PTBP3: variants seen among roughly 807,000 people sequenced by gnomAD.
The protein encoded by PTBP3 is polypyrimidine tract-binding protein 3.
A neutral mutation model predicts 58.7 loss-of-function variants in PTBP3; 20 were observed. The ratio of observed to expected loss-of-function variants is 0.34; its 90% CI spans 0.24 to 0.50. The LOEUF (loss-of-function observed/expected upper bound fraction) is 0.50. Ranked by LOEUF, PTBP3 falls within the 20% of genes least tolerant of loss-of-function variation. PTBP3 has a pLI of 0.98. For missense variants in PTBP3, 509 were observed against 637.2 expected (o/e 0.80, Z 2.17); for synonymous variants, 185 against 219.8 (o/e 0.84, Z 1.40).
chr9:112,275,142 T>TA (rs1827553321), intron 3 of PTBP3, among the ~76,000 whole-genome samples: 1 of 151,688 alleles, frequency 6.6e-6, no homozygotes, highest in South Asian at 2.1e-4. Flanking sequence ...ACTTTTTATT[T>TA]TTTTTTTTGG....
At chr9:112,243,408 G>A (rs1202566053) in intron 7 of PTBP3, among the ~76,000 whole-genome samples, 1 of 152,108 alleles carries the variant, frequency 6.6e-6, no homozygotes, top group Admixed American at 6.5e-5. Context: ...TAGACGTGGT[G>A]GCAGGCACCT....
At chr9:112,256,284 TATATATATACATATATATA>T (rs1836351950) in intron 5 of PTBP3, among the ~76,000 whole-genome samples, 1 of 58,910 alleles carries the variant, frequency 1.7e-5, no homozygotes, top group Admixed American at 1.5e-4. Context: ...TATATATATA[TATATATATACATATATATA>T]TATATATTTA....
At chr9:112,353,623 T>TTGAAG in the PTBP3 span, among the ~76,000 whole-genome samples, 44 of 152,192 alleles carry the variant, frequency 2.9e-4, no homozygotes, top group African/African-American at 9.9e-4. Context: ...GTTAGCCTTC[T>TTGAAG]GTGCTAATAG....
chr9:112,240,261 A>C (rs1172831707), intron 7 of PTBP3, among the ~76,000 whole-genome samples: 1 of 152,214 alleles, frequency 6.6e-6, no homozygotes, highest in East Asian at 1.9e-4. Context: ...TATAGAATAC[A>C]ATGTACATAT....
In PTBP3 at chr9:112,333,592, C is replaced by A. The variant is rs1830480753; in HGVS notation, c.-174G>T. 7.6e-7 allele frequency: 1 copy of A among 1,312,566 alleles called. No individual in the cohort carries two copies. Among genetic ancestry groups the A allele is most frequent in the East Asian group, 2.7e-5 (1 of 37,404 alleles). The allele number at this position is 1,312,566 out of a possible 1,614,324, so 81.3% of individuals were successfully genotyped here. On this transcript the variant is annotated 5_prime_UTR_variant, in exon 1 of 14. Transcript: ENST00000374257. ...CAAGCGAGCTTTGGCTCTGCGGAGC[C>A]CCGGCCGGTCCGAGGTGGAAGGAGA...
chr9:112,336,712 G>A (rs984514102), upstream of PTBP3, among the ~76,000 whole-genome samples: 1 of 151,954 alleles, frequency 6.6e-6, no homozygotes, highest in Non-Finnish European at 1.5e-5. Flanking sequence ...ATAGCAGAGC[G>A]TGACCCCTAT....
At chr9:112,378,755 A>C in the PTBP3 span, among the ~76,000 whole-genome samples, 1 of 152,258 alleles carries the variant, frequency 6.6e-6, no homozygotes, top group African/African-American at 2.4e-5. Flanking sequence ...GGTAATCAGC[A>C]ATCACTTAGT....
chr9:112,379,216 G>A, the PTBP3 span, among the ~76,000 whole-genome samples: 2 of 152,076 alleles, frequency 1.3e-5, no homozygotes, highest in Non-Finnish European at 2.9e-5. Context: ...AAAGGAGAGA[G>A]TACATAAGCC....
rs73537725 is a variant in PTBP3, at chr9:112,252,406, T to C, written c.627+272A>G. 7.3e-4 allele frequency: 298 copies of C among 410,144 alleles called. 1 individual carries two copies. The highest frequency in any genetic ancestry group is 5.8e-3 in the African/African-American group (281 of 48,292). 25.4% of individuals were successfully genotyped at this position (410,144 alleles called of 1,614,324 possible). A position where few individuals can be genotyped will look rare whatever the true frequency, so the allele number is the denominator to read the frequency against. ...ATTAGTCAGCTTATGTGAGGAGTAC[T>C]GTGTTCAATTCTAGACTTTAAACAT... On this transcript the variant is annotated intron_variant, in intron 6 of 13. Transcript: ENST00000374257.
the PTBP3 span, among the ~76,000 whole-genome samples, chr9:112,371,110 C>A: frequency 6.6e-6 from 1 of 151,652 alleles, no homozygotes; most frequent in Non-Finnish European, 1.5e-5. Flanking sequence ...TGCTTTTTTT[C>A]TTTTTCTTAT....
upstream of PTBP3, among the ~76,000 whole-genome samples, chr9:112,335,434 C>T (rs1035077330): frequency 5.3e-5 from 8 of 151,392 alleles, no homozygotes; most frequent in East Asian, 2.0e-4. Context: ...TACAGGCGCC[C>T]GCCACCACGC....
chr9:112,365,935 G>A, the PTBP3 span, among the ~76,000 whole-genome samples: 36,983 of 152,004 alleles, frequency 0.24, 4,928 homozygotes, highest in East Asian at 0.36. Flanking sequence ...AATTTGCAGC[G>A]TGACAATGCG....
At chr9:112,363,030 T>C in the PTBP3 span, 13 of 192,600 alleles carry the variant, frequency 6.7e-5, no homozygotes, top group Non-Finnish European at 1.3e-4. Context: ...CCTCTGGAAC[T>C]GCAAAGCCAT....
chr9:112,303,692 C>T (rs1333400981), intron 1 of PTBP3, among the ~76,000 whole-genome samples: 2 of 151,712 alleles, frequency 1.3e-5, no homozygotes, highest in South Asian at 2.1e-4. Context: ...GGTGAAACCC[C>T]GTCTCTACTA....
chr9:112,362,181 GTA>G, the PTBP3 span, among the ~76,000 whole-genome samples: 1 of 152,114 alleles, frequency 6.6e-6, no homozygotes, highest in Non-Finnish European at 1.5e-5. Flanking sequence ...TCTACAAAAA[GTA>G]TGAGTCTGTA....
At chr9:112,341,405 T>C in the PTBP3 span, among the ~76,000 whole-genome samples, 1 of 152,170 alleles carries the variant, frequency 6.6e-6, no homozygotes, top group East Asian at 1.9e-4. Flanking sequence ...GTGCTGGGAT[T>C]ACAGGCATGA....
the PTBP3 span, among the ~76,000 whole-genome samples, chr9:112,350,654 T>C: frequency 1.4e-4 from 22 of 152,198 alleles, no homozygotes; most frequent in African/African-American, 5.3e-4. Flanking sequence ...TTTCTTAATA[T>C]GTTGTTGTTA....
chr9:112,330,719 GA>G (rs1830335551), intron 1 of PTBP3, among the ~76,000 whole-genome samples: 1 of 152,134 alleles, frequency 6.6e-6, no homozygotes, highest in Non-Finnish European at 1.5e-5. Context: ...TAGTATTTAG[GA>G]AAGTATAGTC....
At chr9:112,361,655 G>A in the PTBP3 span, among the ~76,000 whole-genome samples, 4 of 152,024 alleles carry the variant, frequency 2.6e-5, no homozygotes, top group South Asian at 4.1e-4. Context: ...TTAACATTTT[G>A]TGGCATTATA....
Sources: allele counts gnomAD v4.1 joint callset (sites outside exome capture counted in the v4.1 genomes callset), GRCh38; gene constraint gnomAD v4.1.1; transcripts MANE v1.5; gene names NCBI Gene and HGNC (gene_info 2026-07-23, HGNC 2026-07-21).